Variants in ZNF177 observed in about 807,000 individuals in gnomAD.
ZNF177 encodes zinc finger protein 177.
In ZNF177, 17 loss-of-function variants were observed where a neutral mutation model predicts 19.4. The ratio of observed to expected loss-of-function variants is 0.87; its 90% confidence interval spans 0.60 to 1.31. ZNF177 has a LOEUF of 1.31. Ranked by LOEUF, ZNF177 falls within the 40% of genes most tolerant of loss-of-function variation. ZNF177 has a pLI of 0.00. For missense variants in ZNF177, 633 were observed against 561.8 expected, an observed-to-expected ratio of 1.13 and a Z score of -1.28; for synonymous variants, 220 against 188.7, an observed-to-expected ratio of 1.17 and a Z score of -1.36.
exon 6 of ZNF177, chr19:9,381,116 A>C: frequency 6.2e-7 from 1 of 1,613,838 alleles, no homozygotes; most frequent in South Asian, 1.1e-5. Flanking sequence ...AATGAACATG[A>C]GAAAACTTTC....
intron 4 of ZNF177, 32 bp from the exon 7 acceptor site, chr19:9,380,025 C>A: frequency 6.3e-7 from 1 of 1,598,912 alleles, no homozygotes; most frequent in South Asian, 1.1e-5. Flanking sequence ...CCTTTTCTCC[C>A]AATAATTATA....
In ZNF177 at chr19:9,380,764, G is replaced by GA. The variant is rs1568385119; in HGVS notation, c.434dup (p.Lys146GlufsTer4). ...TATTTGTACAAGATATTGCAAGGGA[G>GA]AGAAATGCTATAAATATATAAAGTA... On this transcript the variant is annotated frameshift_variant, in exon 6 of 6. Transcript: ENST00000589262. LOFTEE classifies it low-confidence loss of function (END_TRUNC). The GA allele has an allele frequency of 5.9e-6, 9 of 1,536,108 alleles. No individual in the cohort carries two copies. The highest frequency in any genetic ancestry group is 7.8e-6 in the Non-Finnish European group (9 of 1,146,890).
chr19:9,380,506 A>G, intron 5 of ZNF177, 162 bp from the exon 8 acceptor site: 4 of 1,425,108 alleles, frequency 2.8e-6, no homozygotes, highest in Non-Finnish European at 3.8e-6. Flanking sequence ...CAACTCGAAA[A>G]AGCTAATAGG....
At chr19:9,374,716 C>G (rs2068088526), upstream of ZNF177, among the ~76,000 whole-genome samples, 1 of 151,048 alleles carries the variant, frequency 6.6e-6, no homozygotes, top group Non-Finnish European at 1.5e-5. Flanking sequence ...TTTTTTTACC[C>G]TGCATTACTG....
chr19:9,366,683 A>G (rs2067984632), intron 2 of ZNF177, among the ~76,000 whole-genome samples: 2 of 152,170 alleles, frequency 1.3e-5, no homozygotes, highest in South Asian at 4.1e-4. Context: ...GCTGCTGTGA[A>G]TATTTCTCTT....
upstream of ZNF177, among the ~76,000 whole-genome samples, chr19:9,375,443 G>A (rs187135650): frequency 4.7e-4 from 72 of 152,166 alleles, no homozygotes; most frequent in East Asian, 9.1e-3. Flanking sequence ...AGAATTCAAC[G>A]GTGAAGCCAC....
intron 1 of ZNF177, among the ~76,000 whole-genome samples, chr19:9,364,185 T>A (rs916940649): frequency 3.9e-5 from 6 of 152,200 alleles, no homozygotes; most frequent in Non-Finnish European, 7.3e-5. Flanking sequence ...TTGAGTTTTT[T>A]TATGTTGTCA....
chr19:9,377,284 A>G (rs981130993), intron 1 of ZNF177, among the ~76,000 whole-genome samples: 1 of 152,194 alleles, frequency 6.6e-6, no homozygotes, highest in African/African-American at 2.4e-5. Flanking sequence ...ACAGTACATA[A>G]TAATGAATAG....
exon 6 of ZNF177, chr19:9,380,782 A>G (rs2068184964): frequency 6.5e-7 from 1 of 1,536,132 alleles, no homozygotes; most frequent in Non-Finnish European, 8.7e-7. Context: ...CTATAAATAT[A>G]TAAAGTATAG....
chr19:9,380,990 C>G lies in ZNF177; in HGVS notation c.659C>G (p.Ser220Ter), dbSNP rs771865530. ...TCCTTCAGCCTACACTCTTCCTGCT[C>G]AGTACGTGAGCAAATACCTACTGGA... Residue 220 changes from serine (S) to a stop codon, truncating the protein, a stop_gained, in exon 6 of 6, where the codon TCA becomes TGA. Coordinates refer to ENST00000589262, the Ensembl canonical transcript of ZNF177. LOFTEE classifies it low-confidence loss of function (END_TRUNC). The G allele has an allele frequency of 2.1e-5, 32 of 1,559,154 alleles. No homozygotes were observed. The highest frequency in any genetic ancestry group is 1.5e-4 in the Admixed American group (8 of 53,616).
intron 3 of ZNF177, 134 bp downstream of exon 5, chr19:9,379,222 G>A: frequency 7.3e-7 from 1 of 1,373,086 alleles, no homozygotes; most frequent in South Asian, 1.7e-5. Context: ...CCTTGAGGGG[G>A]CAGTCCAGTG....
chr19:9,369,604 A>C (rs1013971188), intron 2 of ZNF177, among the ~76,000 whole-genome samples: 2 of 152,132 alleles, frequency 1.3e-5, no homozygotes, highest in African/African-American at 4.8e-5. Context: ...TTATTGATAC[A>C]GTCAGACATT....
chr19:9,376,962 T>C (rs1376085123), intron 1 of ZNF177, among the ~76,000 whole-genome samples: 2 of 152,214 alleles, frequency 1.3e-5, no homozygotes, highest in African/African-American at 4.8e-5. Flanking sequence ...CCATTACTGA[T>C]GAAGCCCCTC....
exon 6 of ZNF177, chr19:9,381,875 T>G: frequency 6.7e-7 from 1 of 1,497,838 alleles, no homozygotes; most frequent in African/African-American, 1.4e-5. Flanking sequence ...GGAAACAGCC[T>G]TCTGGCCCAA....
chr19:9,380,828 A>G, exon 6 of ZNF177: 1 of 1,536,104 alleles, frequency 6.5e-7, no homozygotes, highest in Non-Finnish European at 8.7e-7. Flanking sequence ...CTTAGGAGTC[A>G]TGTGAGCATT....
At chr19:9,363,067 C>T (rs984311182) in exon 1 of ZNF177, 3 of 152,392 alleles carry the variant, frequency 2.0e-5, no homozygotes, top group Non-Finnish European at 2.9e-5. Context: ...GGTTGCTGTC[C>T]CAGCAGGCCA....
At chr19:9,381,162 T>C in exon 6 of ZNF177, 1 of 1,614,184 alleles carries the variant, frequency 6.2e-7, no homozygotes, top group Non-Finnish European at 8.5e-7. Flanking sequence ...GTGTCAGAAC[T>C]CACTCTGGAG....
chr19:9,381,600 C>G (rs374337624), exon 6 of ZNF177: 20 of 1,613,928 alleles, frequency 1.2e-5, no homozygotes, highest in Non-Finnish European at 1.6e-5. Context: ...GTGAGAAAAC[C>G]TATGAGTGTA....
At chr19:9,365,637 C>T (rs1226334103) in intron 2 of ZNF177, among the ~76,000 whole-genome samples, 1 of 152,132 alleles carries the variant, frequency 6.6e-6, no homozygotes, top group Non-Finnish European at 1.5e-5. Context: ...AATAATCAGG[C>T]AGGCGTCCCC....
Sources: gnomAD v4.1 joint callset for allele counts (sites outside exome capture counted in the v4.1 genomes callset) on GRCh38, gnomAD v4.1.1 for gene constraint, MANE v1.5 for transcripts, NCBI Gene and HGNC (gene_info 2026-07-23, HGNC 2026-07-21) for gene names.